The following SLC24A3 variants were observed in gnomAD, a reference collection of about 807,000 sequenced individuals.
SLC24A3 encodes the protein sodium/potassium/calcium exchanger 3.
SLC24A3 carries 28 observed loss-of-function variants against 75.8 expected under a neutral mutation model. That is an observed-to-expected ratio of 0.37 (90% confidence interval 0.27 to 0.51). The LOEUF is 0.51. Among genes scored for constraint, SLC24A3 ranks in the 20% least tolerant of loss-of-function variants. The pLI is 0.94. For synonymous variants in SLC24A3, 372 were observed against 334.1 expected (o/e 1.11, Z -1.24); for missense variants, 663 against 847.8 (o/e 0.78, Z 2.71).
At chr20:19,238,164 C>T (rs1982222245) in intron 1 of SLC24A3, among the ~76,000 whole-genome samples, 1 of 152,054 alleles carries the variant, frequency 6.6e-6, no homozygotes, top group Non-Finnish European at 1.5e-5. Flanking sequence ...GCACATGGTC[C>T]TTCCGAGTCA....
At position 19,311,605 on chromosome 20, in the gene SLC24A3, G is replaced by A. The variant is rs983561072; in HGVS notation, c.271+30518G>A. On this transcript the variant is annotated intron_variant, in intron 2 of 16. Transcript: ENST00000328041. The stretch of plus-strand genomic sequence containing the variant: ...CCTGGGAGGTGTGGGGTAAAGGAAG[G>A]CTTCCAGGAGGAGGCAGTGTTTGAG... Among the ~76,000 whole-genome samples, 5 of 152,074 alleles carry A rather than the reference G, an allele frequency of 3.3e-5. No homozygotes were observed. In the South Asian group the frequency reaches 6.2e-4, roughly 19 times the overall value.
intron 2 of SLC24A3, among the ~76,000 whole-genome samples, chr20:19,319,416 C>T (rs1984657234): frequency 6.6e-6 from 1 of 152,214 alleles, no homozygotes; most frequent in Admixed American, 6.5e-5. Flanking sequence ...GGTGTGATAC[C>T]TACCACAGCA....
At chr20:19,423,956 T>G (rs1211795371) in intron 2 of SLC24A3, among the ~76,000 whole-genome samples, 1 of 151,454 alleles carries the variant, frequency 6.6e-6, no homozygotes, top group Non-Finnish European at 1.5e-5. Context: ...TCACAAAGAG[T>G]CTTGTCTGAG....
At chr20:19,352,399 A>G (rs995127905) in intron 2 of SLC24A3, among the ~76,000 whole-genome samples, 14 of 152,172 alleles carry the variant, frequency 9.2e-5, no homozygotes, top group Admixed American at 6.5e-4. Context: ...AACGGCAGCA[A>G]CTACCCAAGC....
intron 2 of SLC24A3, among the ~76,000 whole-genome samples, chr20:19,334,431 T>TA (rs11481938): frequency 0.14 from 20,403 of 151,120 alleles, 3,216 homozygotes; most frequent in African/African-American, 0.36. Context: ...ATCAACACAG[T>TA]AAAAAAAAAG....
chr20:19,720,933 C>A (rs888749473), intron 16 of SLC24A3, 58 bp from the exon 17 acceptor site: 1 of 1,593,352 alleles, frequency 6.3e-7, no homozygotes, highest in Non-Finnish European at 8.5e-7. Flanking sequence ...CCCCTACCAA[C>A]CCCCCAAAGG....
At chr20:19,687,474 C>T (rs1401614151) in intron 12 of SLC24A3, among the ~76,000 whole-genome samples, 1 of 152,210 alleles carries the variant, frequency 6.6e-6, no homozygotes, top group African/African-American at 2.4e-5. Flanking sequence ...ATCTTAGGGA[C>T]CTGTGTCTAG....
At chr20:19,334,926 G>A (rs960984026) in intron 2 of SLC24A3, among the ~76,000 whole-genome samples, 3 of 152,186 alleles carry the variant, frequency 2.0e-5, no homozygotes, top group African/African-American at 7.2e-5. Flanking sequence ...GGGTTAGCAT[G>A]TCAGTGGTGA....
At chr20:19,578,589 C>G (rs1454948711) in intron 3 of SLC24A3, among the ~76,000 whole-genome samples, 1 of 151,898 alleles carries the variant, frequency 6.6e-6, no homozygotes. Context: ...TATGGCTATA[C>G]TGGGTCATGT....
intron 2 of SLC24A3, among the ~76,000 whole-genome samples, chr20:19,349,731 T>G (rs1985523558): frequency 6.6e-6 from 1 of 152,206 alleles, no homozygotes; most frequent in African/African-American, 2.4e-5. Flanking sequence ...TGTTGGCTCC[T>G]TTATTCCCTA....
At chr20:19,608,635 G>A (rs1032849631) in intron 6 of SLC24A3, among the ~76,000 whole-genome samples, 1 of 152,106 alleles carries the variant, frequency 6.6e-6, no homozygotes, top group African/African-American at 2.4e-5. Flanking sequence ...CTTTTAAAAA[G>A]AATAATAATA....
intron 1 of SLC24A3, among the ~76,000 whole-genome samples, chr20:19,275,548 G>T (rs1398376498): frequency 2.0e-5 from 3 of 152,150 alleles, no homozygotes; most frequent in Non-Finnish European, 4.4e-5. Context: ...TAGGGTGAAG[G>T]CTGCTAGTCA....
intron 2 of SLC24A3, among the ~76,000 whole-genome samples, chr20:19,361,511 A>G (rs1985788318): frequency 6.6e-6 from 1 of 152,234 alleles, no homozygotes; most frequent in Admixed American, 6.5e-5. Flanking sequence ...ACAAGCCCCA[A>G]GGAACTTCCT....
intron 3 of SLC24A3, among the ~76,000 whole-genome samples, chr20:19,529,991 T>C (rs1303056917): frequency 1.3e-5 from 2 of 152,200 alleles, no homozygotes; most frequent in African/African-American, 4.8e-5. Flanking sequence ...CTGAGTCAGC[T>C]CAGAGAGGAA....
intron 2 of SLC24A3, among the ~76,000 whole-genome samples, chr20:19,292,262 T>C (rs939567474): frequency 1.3e-5 from 2 of 152,208 alleles, no homozygotes; most frequent in Non-Finnish European, 2.9e-5. Flanking sequence ...GCAACAGTCC[T>C]GAGGGGTCCT....
rs1224022189 is a variant in SLC24A3, at chr20:19,720,983, C to G, written c.1786-8C>G. 1.2e-6 allele frequency: 2 copies of G among 1,613,286 alleles called. No individual in the cohort carries two copies. The highest frequency in any genetic ancestry group is 1.1e-5 in the South Asian group (1 of 90,988). ...TGGTGCCCTCTGAACCTGTTCTGTGCCCTGCAGGTGTTCGGCGTCCACCTG... is the reference window on the plus strand; with the variant it reads ...TGGTGCCCTCTGAACCTGTTCTGTGGCCTGCAGGTGTTCGGCGTCCACCTG... On this transcript the variant is annotated splice_polypyrimidine_tract_variant and splice_region_variant and intron_variant, in intron 16 of 16. Transcript: ENST00000328041.
chr20:19,590,937 G>C (rs3790268), intron 6 of SLC24A3, among the ~76,000 whole-genome samples: 21,520 of 152,166 alleles, frequency 0.14, 1,644 homozygotes, highest in African/African-American at 0.19. Flanking sequence ...GTCCAGGAAA[G>C]GTAGACAGTC....
intron 12 of SLC24A3, among the ~76,000 whole-genome samples, chr20:19,690,463 A>G (rs1272541316): frequency 6.6e-6 from 1 of 152,104 alleles, no homozygotes; most frequent in Non-Finnish European, 1.5e-5. Flanking sequence ...AGAATGTGAA[A>G]GAGCCAAGTT....
At chr20:19,261,290 A>G (rs1291811142) in intron 1 of SLC24A3, among the ~76,000 whole-genome samples, 1 of 152,114 alleles carries the variant, frequency 6.6e-6, no homozygotes. Flanking sequence ...ATGGACCCCC[A>G]AGAAGGGGGA....
Sources: gnomAD v4.1 joint callset for allele counts (sites outside exome capture counted in the v4.1 genomes callset) on GRCh38, gnomAD v4.1.1 for gene constraint, MANE v1.5 for transcripts, NCBI Gene and HGNC (gene_info 2026-07-23, HGNC 2026-07-21) for gene names.